Variants in ATP9B observed in about 807,000 individuals in gnomAD.
The protein encoded by ATP9B is ATPase phospholipid transporting 9B, also known as probable phospholipid-transporting ATPase IIB.
In ATP9B, 110 loss-of-function variants were observed where a neutral mutation model predicts 146.1. The observed-to-expected ratio is 0.75, with a 90% confidence interval of 0.65 to 0.88. The LOEUF (loss-of-function observed/expected upper bound fraction) is 0.88. ATP9B is among the 40% of genes least tolerant of loss of function. The probability of loss-of-function intolerance (pLI) is 0.00; values close to 1 mark genes in which losing one functional copy is unlikely to be tolerated. For synonymous variants in ATP9B, 604 were observed against 569.7 expected (o/e 1.06, Z -0.86); for missense variants, 1,499 against 1,496.4 (o/e 1.00, Z -0.03).
intron 11 of ATP9B, among the ~76,000 whole-genome samples, chr18:79,215,615 A>G (rs2095620625): frequency 6.6e-6 from 1 of 152,240 alleles, no homozygotes; most frequent in African/African-American, 2.4e-5. Flanking sequence ...AATCATATAT[A>G]GAGTTAGAAT....
chr18:79,232,041 G>A (rs2095798184), intron 11 of ATP9B, among the ~76,000 whole-genome samples: 1 of 152,020 alleles, frequency 6.6e-6, no homozygotes, highest in South Asian at 2.1e-4. Flanking sequence ...AGGGATGAAA[G>A]ACTACACACT....
At chr18:79,152,579 C>CA (rs2094707047) in intron 6 of ATP9B, among the ~76,000 whole-genome samples, 1 of 152,134 alleles carries the variant, frequency 6.6e-6, no homozygotes, top group Non-Finnish European at 1.5e-5. Context: ...CCTTACCTCT[C>CA]AAAAAGTCAT....
rs574269018 is a variant in ATP9B, at chr18:79,176,969, A to G, written c.873+62A>G. ...CAATGGTAGTTTCTAGGCTTCACGT[A>G]TATTTCTGTTTATACCAGCTAATTT... On this transcript the variant is annotated intron_variant, in intron 8 of 29. Transcript: ENST00000426216. 9.2e-6 allele frequency: 13 copies of G among 1,415,080 alleles called. No individual in the cohort carries two copies. The African/African-American group carries it at 1.6e-4, about 17-fold the overall frequency. 87.7% of individuals were successfully genotyped at this position (1,415,080 alleles called of 1,614,324 possible).
intron 17 of ATP9B, among the ~76,000 whole-genome samples, chr18:79,331,503 C>T (rs540193321): frequency 6.6e-6 from 1 of 152,094 alleles, no homozygotes; most frequent in Non-Finnish European, 1.5e-5. Context: ...ATTCTATGTA[C>T]ATTTATTTTT....
chr18:79,277,749 A>G (rs2145755036), intron 13 of ATP9B, among the ~76,000 whole-genome samples: 1 of 152,306 alleles, frequency 6.6e-6, no homozygotes, highest in East Asian at 1.9e-4. Context: ...CAGATTAAAG[A>G]CAAACAATTG....
chr18:79,348,306 C>G, intron 25 of ATP9B, 110 bp downstream of exon 25: 1 of 1,056,020 alleles, frequency 9.5e-7, no homozygotes, highest in Non-Finnish European at 1.4e-6. Flanking sequence ...ATACAGTCAT[C>G]ATTTAGAATG....
chr18:79,327,213 C>G (rs2096752354), intron 15 of ATP9B, among the ~76,000 whole-genome samples: 1 of 152,186 alleles, frequency 6.6e-6, no homozygotes, highest in Non-Finnish European at 1.5e-5. Context: ...AACTGTTTGG[C>G]TGAGAGTGAG....
At chr18:79,109,210 ATTCTGAGTCT>A (rs1256080477) in intron 2 of ATP9B, among the ~76,000 whole-genome samples, 1 of 152,228 alleles carries the variant, frequency 6.6e-6, no homozygotes, top group Non-Finnish European at 1.5e-5. Context: ...TTAGTAAGCC[ATTCTGAGTCT>A]TTCTCTACAT....
chr18:79,372,904 A>T, intron 27 of ATP9B, 22 bp downstream of exon 27: 1 of 1,546,122 alleles, frequency 6.5e-7, no homozygotes, highest in Non-Finnish European at 8.9e-7. Context: ...TCCTTAGTTT[A>T]CTGGACTAAA....
At chr18:79,337,258 C>T (rs1250198725) in intron 18 of ATP9B, 21 bp from the exon 19 acceptor site, 6 of 1,613,246 alleles carry the variant, frequency 3.7e-6, no homozygotes, top group Admixed American at 3.3e-5. Flanking sequence ...TGCACACAGG[C>T]GCCTCCCCCT....
chr18:79,309,532 C>G (rs1275801688), intron 15 of ATP9B, among the ~76,000 whole-genome samples: 1 of 139,098 alleles, frequency 7.2e-6, no homozygotes, highest in Non-Finnish European at 1.5e-5. Flanking sequence ...GGTAGAAGGT[C>G]AGGGGTGGTG....
intron 26 of ATP9B, chr18:79,361,651 A>T (rs1039239571): frequency 2.6e-6 from 1 of 381,168 alleles, no homozygotes; most frequent in Admixed American, 6.4e-5. Flanking sequence ...AAATAGCACT[A>T]AAGTACTGAG....
chr18:79,312,226 T>C (rs2096656765), intron 15 of ATP9B, among the ~76,000 whole-genome samples: 1 of 152,212 alleles, frequency 6.6e-6, no homozygotes, highest in Non-Finnish European at 1.5e-5. Flanking sequence ...TGATGGTGGG[T>C]ACATGTGGAT....
At chr18:79,103,725 A>G (rs979619364) in intron 2 of ATP9B, among the ~76,000 whole-genome samples, 3 of 152,174 alleles carry the variant, frequency 2.0e-5, no homozygotes, top group Non-Finnish European at 4.4e-5. Flanking sequence ...CAGCAAAGGA[A>G]AATCAATAAT....
chr18:79,226,326 G>A (rs1349999918), intron 11 of ATP9B, among the ~76,000 whole-genome samples: 1 of 152,212 alleles, frequency 6.6e-6, no homozygotes, highest in Non-Finnish European at 1.5e-5. Flanking sequence ...TCAGACTGCT[G>A]TCTTCTGCAC....
At chr18:79,158,798 A>G (rs1323560194) in intron 7 of ATP9B, among the ~76,000 whole-genome samples, 2 of 152,198 alleles carry the variant, frequency 1.3e-5, no homozygotes, top group African/African-American at 4.8e-5. Flanking sequence ...ACTTGAGGAA[A>G]ATCTACATTC....
At chr18:79,261,229 A>C (rs923479231) in intron 12 of ATP9B, among the ~76,000 whole-genome samples, 1 of 152,154 alleles carries the variant, frequency 6.6e-6, no homozygotes, top group African/African-American at 2.4e-5. Flanking sequence ...CGAGTGCTAG[A>C]GGGTGGACTC....
At position 79,284,918 on chromosome 18, in the gene ATP9B, A is replaced by G. The variant is rs548166274; in HGVS notation, c.1411+7722A>G. Among the ~76,000 whole-genome samples the G allele has an allele frequency of 6.8e-3, 1,039 of 152,084 alleles. 5 individuals carry two copies. The highest frequency in any genetic ancestry group is 0.023 in the African/African-American group (965 of 41,462). On this transcript the variant is annotated intron_variant, in intron 13 of 29. Transcript: ENST00000426216. ...AGTTTATTGAGAATGATGATTTCCA[A>G]TTTCATCCATGTCCCTACAAAGGAC...
chr18:79,087,192 C>G (rs2073917313), intron 1 of ATP9B: 1 of 152,188 alleles, frequency 6.6e-6, no homozygotes, highest in Non-Finnish European at 1.5e-5. Context: ...AAACCCATTG[C>G]AATATGCTCT....
Sources: gnomAD v4.1 joint callset for allele counts (sites outside exome capture counted in the v4.1 genomes callset) on GRCh38, gnomAD v4.1.1 for gene constraint, MANE v1.5 for transcripts, NCBI Gene and HGNC (gene_info 2026-07-23, HGNC 2026-07-21) for gene names.